Variants in SLC24A2 observed in about 807,000 individuals in gnomAD.
The protein encoded by SLC24A2 is solute carrier family 24 member 2.
A neutral mutation model predicts 62.0 loss-of-function variants in SLC24A2; 36 were observed. The observed-to-expected ratio is 0.58, with a 90% confidence interval of 0.44 to 0.77. The LOEUF is 0.77. SLC24A2 is among the 30% of genes least tolerant of loss of function. The probability of loss-of-function intolerance (pLI) is 0.00; values close to 1 mark genes in which losing one functional copy is unlikely to be tolerated. For synonymous variants in SLC24A2, 358 were observed against 294.0 expected (o/e 1.22, Z -2.23); for missense variants, 846 against 817.9 (o/e 1.03, Z -0.42).
chr9:20,189,044 G>A, the SLC24A2 span, among the ~76,000 whole-genome samples: 7 of 150,816 alleles, frequency 4.6e-5, no homozygotes, highest in Non-Finnish European at 7.4e-5. Flanking sequence ...GTTCTAGACT[G>A]CCAGAAATTA....
At chr9:20,263,864 C>T in the SLC24A2 span, among the ~76,000 whole-genome samples, 2 of 75,584 alleles carry the variant, frequency 2.6e-5, no homozygotes, top group Non-Finnish European at 4.9e-5. Flanking sequence ...CCCACCCGCC[C>T]CCCCCCCCCC....
chr9:19,652,153 C>T (rs1327832316), intron 2 of SLC24A2, among the ~76,000 whole-genome samples: 2 of 152,164 alleles, frequency 1.3e-5, no homozygotes, highest in South Asian at 2.1e-4. Context: ...TTAGAAGTTA[C>T]TGACTACTAT....
the SLC24A2 span, among the ~76,000 whole-genome samples, chr9:19,874,483 G>A: frequency 5.9e-5 from 9 of 152,174 alleles, no homozygotes; most frequent in African/African-American, 2.2e-4. Context: ...GAAGGTTTAT[G>A]GCAAGATAAG....
chr9:19,575,749 G>C (rs1457868566), intron 6 of SLC24A2, among the ~76,000 whole-genome samples: 2 of 152,152 alleles, frequency 1.3e-5, no homozygotes, highest in Non-Finnish European at 2.9e-5. Context: ...GACTGCGACT[G>C]AGCCCAGGAA....
chr9:20,145,570 AG>A, the SLC24A2 span, among the ~76,000 whole-genome samples: 19 of 151,812 alleles, frequency 1.3e-4, no homozygotes, highest in African/African-American at 4.1e-4. Flanking sequence ...TTTAAAAAAA[AG>A]TAAATTGCTC....
chr9:20,069,931 TA>T, the SLC24A2 span, among the ~76,000 whole-genome samples: 8 of 152,086 alleles, frequency 5.3e-5, no homozygotes, highest in Non-Finnish European at 8.8e-5. Flanking sequence ...ATATTTGTTT[TA>T]AAAACCAAAA....
the SLC24A2 span, among the ~76,000 whole-genome samples, chr9:20,163,440 C>T: frequency 3.9e-5 from 6 of 152,056 alleles, no homozygotes; most frequent in African/African-American, 7.2e-5. Context: ...TGAAGGACCT[C>T]TTCAAGGAGA....
intron 8 of SLC24A2, among the ~76,000 whole-genome samples, chr9:19,542,267 C>G (rs113041416): frequency 1.2e-3 from 180 of 152,310 alleles, no homozygotes; most frequent in African/African-American, 4.1e-3. Context: ...TATATGAATG[C>G]TTGTGATTTT....
chr9:20,126,384 C>G, the SLC24A2 span, among the ~76,000 whole-genome samples: 1 of 150,002 alleles, frequency 6.7e-6, no homozygotes, highest in African/African-American at 2.4e-5. Context: ...TTTTTTTTTT[C>G]TAGATATTAA....
chr9:19,622,266 G>C lies in SLC24A2; in HGVS notation c.964C>G (p.Leu322Val). 6 of 1,613,314 alleles carry C rather than the reference G, an allele frequency of 3.7e-6. No homozygotes were observed. Among genetic ancestry groups the C allele is most frequent in the South Asian group, 1.1e-5 (1 of 91,032 alleles). Residue 322 changes from leucine (L) to valine (V), a missense_variant, in exon 3 of 11, where the codon CTA (leucine) becomes GTA (valine). Transcript: ENST00000341998. ...ACAAAGCCACTGCTTCCTACCGGTA[G>C]AGTTGGTTCATCCTTGTCCCTGGCT... ...SAARDKDEPTLPAKPRLQRGG... is the reference protein window; with the variant it reads ...SAARDKDEPTVPAKPRLQRGG...
At chr9:19,996,017 G>A in the SLC24A2 span, among the ~76,000 whole-genome samples, 1 of 152,232 alleles carries the variant, frequency 6.6e-6, no homozygotes, top group Admixed American at 6.5e-5. Context: ...TTTTTAAGAA[G>A]ATGCATGCTT....
At chr9:19,633,822 T>C (rs987576537) in intron 2 of SLC24A2, among the ~76,000 whole-genome samples, 5 of 152,242 alleles carry the variant, frequency 3.3e-5, no homozygotes, top group African/African-American at 1.2e-4. Context: ...TATGGGTTCC[T>C]TGTATATTCT....
At chr9:19,530,186 A>T (rs80080631) in intron 8 of SLC24A2, among the ~76,000 whole-genome samples, 1,888 of 151,522 alleles carry the variant, frequency 0.012, 23 homozygotes, top group Non-Finnish European at 0.019. Context: ...AGCTTATTAA[A>T]GTTCCCATCC....
At chr9:20,112,425 G>C in the SLC24A2 span, among the ~76,000 whole-genome samples, 1 of 152,236 alleles carries the variant, frequency 6.6e-6, no homozygotes, top group African/African-American at 2.4e-5. Flanking sequence ...CTTCCTTCCA[G>C]GTTAAAGAAA....
intron 8 of SLC24A2, among the ~76,000 whole-genome samples, chr9:19,531,910 C>T (rs949696332): frequency 2.6e-5 from 4 of 152,040 alleles, no homozygotes; most frequent in African/African-American, 4.8e-5. Flanking sequence ...CAAAGTACCT[C>T]GCACATAAGT....
intron 2 of SLC24A2, among the ~76,000 whole-genome samples, chr9:19,784,980 C>T (rs1008831548): frequency 3.3e-5 from 5 of 151,882 alleles, no homozygotes; most frequent in African/African-American, 1.2e-4. Context: ...CTGTTTTTTG[C>T]ATATATGAGA....
At chr9:19,652,171 T>A (rs961514891) in intron 2 of SLC24A2, among the ~76,000 whole-genome samples, 1 of 152,214 alleles carries the variant, frequency 6.6e-6, no homozygotes, top group Non-Finnish European at 1.5e-5. Context: ...TATACTCTCA[T>A]GTTTCATCAG....
the SLC24A2 span, among the ~76,000 whole-genome samples, chr9:20,267,655 G>C: frequency 1.3e-5 from 2 of 152,328 alleles, no homozygotes; most frequent in Middle Eastern, 3.4e-3. Flanking sequence ...CCAGCACTGT[G>C]TCTGCCACAT....
In SLC24A2 at chr9:19,512,825, A is replaced by T. The variant is rs576072296; in HGVS notation, c.*3328T>A. 2 of 152,110 alleles carry T rather than the reference A, an allele frequency of 1.3e-5. No homozygotes were observed. Among genetic ancestry groups the T allele is most frequent in the Non-Finnish European group, 2.9e-5 (2 of 68,014 alleles). 9.4% of individuals were successfully genotyped at this position (152,110 alleles called of 1,614,324 possible). A position where few individuals can be genotyped will look rare whatever the true frequency, so the allele number is the denominator to read the frequency against. Reference sequence around the variant, plus strand: ...GAAGCAAAGAGAGTATCTGCAGTCTAAATTTTTGCTTTGTATTTTCTGTTG... The same window carrying T: ...GAAGCAAAGAGAGTATCTGCAGTCTTAATTTTTGCTTTGTATTTTCTGTTG... On this transcript the variant is annotated 3_prime_UTR_variant, in exon 11 of 11. Transcript: ENST00000341998.
Sources: allele counts gnomAD v4.1 joint callset (sites outside exome capture counted in the v4.1 genomes callset), GRCh38; gene constraint gnomAD v4.1.1; transcripts MANE v1.5; gene names NCBI Gene and HGNC (gene_info 2026-07-23, HGNC 2026-07-21).